Variants in MEGF11 observed in about 807,000 individuals in gnomAD.
MEGF11 encodes multiple epidermal growth factor-like domains protein 11.
Under a neutral mutation model 146.6 loss-of-function variants are expected in MEGF11, and 126 were observed. The observed-to-expected ratio is 0.86, with a 90% confidence interval of 0.74 to 1.00. The LOEUF is 1.00. Ranked by LOEUF, MEGF11 falls within the 50% of genes least tolerant of loss-of-function variation. MEGF11 has a pLI of 0.00. For synonymous variants in MEGF11, 532 were observed against 583.4 expected (o/e 0.91, Z 1.27); for missense variants, 1,509 against 1,521.2 (o/e 0.99, Z 0.13).
intron 5 of MEGF11, among the ~76,000 whole-genome samples, chr15:66,073,570 G>T (rs754074954): frequency 6.6e-6 from 1 of 152,164 alleles, no homozygotes; most frequent in African/African-American, 2.4e-5. Context: ...GGATCTAACA[G>T]ATCACTCTCT....
In MEGF11 at chr15:65,897,715, C is replaced by T. The variant is rs1156771908; in HGVS notation, c.*219G>A. ...GTTTTAAAAATCATATAATCCAGGGCATTTGGGGCTGAGTGGGTGATAGGA... is the reference window on the plus strand; with the variant it reads ...GTTTTAAAAATCATATAATCCAGGGTATTTGGGGCTGAGTGGGTGATAGGA... On this transcript the variant is annotated 3_prime_UTR_variant, in exon 26 of 26. Coordinates refer to ENST00000395614, the MANE Select transcript of MEGF11 (RefSeq NM_001385028.1). 2 of 414,542 alleles carry T rather than the reference C, an allele frequency of 4.8e-6. No homozygotes were observed. Among genetic ancestry groups the T allele is most frequent in the Admixed American group, 4.2e-5 (1 of 23,838 alleles). 25.7% of individuals were successfully genotyped at this position (414,542 alleles called of 1,614,324 possible). A position where few individuals can be genotyped will look rare whatever the true frequency, so the allele number is the denominator to read the frequency against.
At chr15:66,191,055 G>A (rs141650370) in intron 1 of MEGF11, among the ~76,000 whole-genome samples, 1,593 of 152,188 alleles carry the variant, frequency 0.01, 102 homozygotes, top group Admixed American at 0.095. Flanking sequence ...GGACTTCCAG[G>A]GATGGAAGAA....
intron 1 of MEGF11, among the ~76,000 whole-genome samples, chr15:66,163,310 C>G (rs1441554746): frequency 6.6e-6 from 1 of 152,176 alleles, no homozygotes; most frequent in Non-Finnish European, 1.5e-5. Context: ...ATAACCATTA[C>G]TCTATCTTTA....
intron 5 of MEGF11, among the ~76,000 whole-genome samples, chr15:66,009,337 T>A (rs937491906): frequency 6.7e-6 from 1 of 148,834 alleles, no homozygotes; most frequent in Admixed American, 6.8e-5. Flanking sequence ...TTGGGAGTCA[T>A]GGGGGTGGGG....
chr15:65,915,886 A>G (rs949027015), intron 18 of MEGF11, among the ~76,000 whole-genome samples: 1 of 152,110 alleles, frequency 6.6e-6, no homozygotes, highest in Non-Finnish European at 1.5e-5. Context: ...AGAATAATAA[A>G]AAAAAAATCC....
At chr15:66,199,574 A>C (rs775756762) in intron 1 of MEGF11, among the ~76,000 whole-genome samples, 3 of 152,180 alleles carry the variant, frequency 2.0e-5, no homozygotes, top group African/African-American at 4.8e-5. Context: ...CCAAAGCCCC[A>C]GATCTCTATT....
At chr15:66,043,681 G>A (rs1355894768) in intron 5 of MEGF11, among the ~76,000 whole-genome samples, 1 of 152,222 alleles carries the variant, frequency 6.6e-6, no homozygotes, top group Non-Finnish European at 1.5e-5. Context: ...CTGTAATGGG[G>A]CAGTGACAGG....
rs750694093 is a variant in MEGF11, at chr15:66,119,169, G to T, written c.218C>A (p.Ala73Glu). 65 of 1,550,980 alleles carry T rather than the reference G, an allele frequency of 4.2e-5. No individual in the cohort carries two copies. Among genetic ancestry groups the T allele is most frequent in the Non-Finnish European group, 5.3e-5 (61 of 1,146,860 alleles). ...CATGGTCCGGAGGCCTCTCCGATAC[G>T]CCGTCTTATAACTGATCCTAAGGCA... ...CTRHRISYKTAYRRGLRTMYR... is the reference protein window; with the variant it reads ...CTRHRISYKTEYRRGLRTMYR... The change falls in exon 4 of 26, where the codon GCG (alanine) becomes GAG (glutamate). Residue 73 changes from alanine (A) to glutamate (E), a missense_variant. Coordinates refer to ENST00000395614, the MANE Select transcript of MEGF11 (RefSeq NM_001385028.1).
At chr15:65,975,787 G>T (rs950113699) in intron 7 of MEGF11, among the ~76,000 whole-genome samples, 1 of 152,186 alleles carries the variant, frequency 6.6e-6, no homozygotes, top group African/African-American at 2.4e-5. Flanking sequence ...GCCTTAAACA[G>T]GGGGCACTTA....
chr15:65,970,735 C>G (rs763407683), intron 7 of MEGF11, 46 bp from the exon 8 acceptor site: 20 of 1,564,752 alleles, frequency 1.3e-5, no homozygotes, highest in Non-Finnish European at 1.6e-5. Context: ...TCCAGAAATG[C>G]CAAACTTTCC....
At chr15:66,011,496 C>T (rs1001346434) in intron 5 of MEGF11, among the ~76,000 whole-genome samples, 5 of 152,256 alleles carry the variant, frequency 3.3e-5, no homozygotes, top group East Asian at 1.9e-4. Context: ...AGAACAACCT[C>T]GGACTTGAGA....
intron 7 of MEGF11, among the ~76,000 whole-genome samples, chr15:65,980,200 C>T (rs2081584260): frequency 6.6e-6 from 1 of 152,214 alleles, no homozygotes; most frequent in African/African-American, 2.4e-5. Context: ...GCTAATCTTA[C>T]AAGAAGAATT....
chr15:65,912,726 A>G (rs2078855862), intron 20 of MEGF11, among the ~76,000 whole-genome samples: 1 of 152,170 alleles, frequency 6.6e-6, no homozygotes, highest in African/African-American at 2.4e-5. Flanking sequence ...TGTGTGTGGG[A>G]TGTCTGCTTT....
At chr15:66,146,549 C>T (rs2089378594) in intron 1 of MEGF11, among the ~76,000 whole-genome samples, 1 of 152,280 alleles carries the variant, frequency 6.6e-6, no homozygotes, top group African/African-American at 2.4e-5. Flanking sequence ...CTTCCCGTGG[C>T]TCTGCCACGT....
intron 14 of MEGF11, 110 bp from the exon 15 acceptor site, chr15:65,922,582 T>C: frequency 7.1e-7 from 1 of 1,415,338 alleles, no homozygotes; most frequent in Non-Finnish European, 9.3e-7. Context: ...CATCCTTCCC[T>C]CATCTTGGAG....
chr15:65,994,118 G>T (rs1033543113), intron 5 of MEGF11, among the ~76,000 whole-genome samples: 1 of 152,222 alleles, frequency 6.6e-6, no homozygotes, highest in Non-Finnish European at 1.5e-5. Flanking sequence ...AGCTAAAAGC[G>T]GGGAGGGTGT....
Position 66,150,866 on chromosome 15 carries a change from G to GAGAGAGAT in MEGF11, c.-8-22456_-8-22455insATCTCTCT, listed in dbSNP as rs567593084. The stretch of plus-strand genomic sequence containing the variant: ...AGAGAGAGAGAGAGAGAGAGAGAGA[G>GAGAGAGAT]AGAGGAAAGAATTTTCCAAGGCCAC... On this transcript the variant is annotated intron_variant, in intron 1 of 25. Coordinates refer to ENST00000395614, the MANE Select transcript of MEGF11 (RefSeq NM_001385028.1). Among the ~76,000 whole-genome samples the GAGAGAGAT allele has an allele frequency of 7.2e-4, 88 of 122,480 alleles. 3 individuals carry two copies. The highest frequency in any genetic ancestry group is 4.3e-3 in the Middle Eastern group (1 of 234). The allele number at this position is 122,480 out of a possible 152,430, so 80.4% of individuals were successfully genotyped here. A position where few individuals can be genotyped will look rare whatever the true frequency, so the allele number is the denominator to read the frequency against.
At chr15:65,955,783 TATATATATATACAC>T (rs1308260888) in intron 10 of MEGF11, among the ~76,000 whole-genome samples, 6 of 8,928 alleles carry the variant, frequency 6.7e-4, no homozygotes, top group African/African-American at 1.3e-3. Flanking sequence ...TATATATATA[TATATATATATACAC>T]ACACACACAC....
intron 5 of MEGF11, among the ~76,000 whole-genome samples, chr15:66,033,748 A>C (rs911409457): frequency 1.3e-5 from 2 of 152,090 alleles, no homozygotes; most frequent in African/African-American, 4.8e-5. Flanking sequence ...TTTAAGACCA[A>C]ATATAATTTT....
Sources: gnomAD v4.1 joint callset for allele counts (sites outside exome capture counted in the v4.1 genomes callset) on GRCh38, gnomAD v4.1.1 for gene constraint, MANE v1.5 for transcripts, NCBI Gene and HGNC (gene_info 2026-07-23, HGNC 2026-07-21) for gene names.